Variants in DDX19A observed in about 807,000 individuals in gnomAD.
The protein encoded by DDX19A is DEAD-box helicase 19A, also known as ATP-dependent RNA helicase DDX19A.
A neutral mutation model predicts 60.6 loss-of-function variants in DDX19A; 12 were observed. That is an observed-to-expected ratio of 0.20 (90% CI 0.13 to 0.32). The LOEUF is 0.32. Among genes scored for constraint, DDX19A ranks in the 10% least tolerant of loss-of-function variants. The pLI is 1.00. For missense variants in DDX19A, 337 were observed against 600.6 expected (o/e 0.56, Z 4.59); for synonymous variants, 206 against 218.2 (o/e 0.94, Z 0.49).
chr16:70,370,193 T>A, intron 9 of DDX19A, 30 bp from the exon 10 acceptor site: 1 of 1,602,638 alleles, frequency 6.2e-7, no homozygotes, highest in South Asian at 1.1e-5. Flanking sequence ...CTCAAATACT[T>A]TCATTTCTCA....
rs562817272 is a variant in DDX19A at position 70,349,950 on chromosome 16, A to G, written c.58-607A>G. Reference sequence around the variant, plus strand: ...TGTACCTTCACTTAATAAATGATTCATGGTCTTAGGTTATCATGTGGTTCT... The same window carrying G: ...TGTACCTTCACTTAATAAATGATTCGTGGTCTTAGGTTATCATGTGGTTCT... On this transcript the variant is annotated intron_variant, in intron 1 of 11. Transcript: ENST00000302243. 2.6e-5 allele frequency among the ~76,000 whole-genome samples: 4 copies of G among 152,260 alleles called. No homozygotes were observed. The South Asian group carries it at 8.3e-4, about 32-fold the overall frequency.
intron 1 of DDX19A, among the ~76,000 whole-genome samples, chr16:70,349,266 A>C (rs1189798007): frequency 6.6e-6 from 1 of 152,186 alleles, no homozygotes; most frequent in East Asian, 1.9e-4. Context: ...GCACATATGA[A>C]GTGGTGTCAG....
chr16:70,350,507 C>A, intron 1 of DDX19A, 50 bp from the exon 2 acceptor site: 1 of 1,441,966 alleles, frequency 6.9e-7, no homozygotes, highest in Non-Finnish European at 9.6e-7. Flanking sequence ...TAGGGACCTT[C>A]CTTTTATTGG....
chr16:70,351,160 G>T (rs1348903925), intron 2 of DDX19A, among the ~76,000 whole-genome samples: 1 of 151,588 alleles, frequency 6.6e-6, no homozygotes, highest in Non-Finnish European at 1.5e-5. Flanking sequence ...GGGATTACAG[G>T]TGTGAGCCAC....
intron 9 of DDX19A, 61 bp from the exon 10 acceptor site, chr16:70,370,162 C>G (rs1964638726): frequency 8.4e-6 from 13 of 1,549,190 alleles, no homozygotes; most frequent in Non-Finnish European, 1.1e-5. Flanking sequence ...AAGACTGTGT[C>G]TCAAAAAGAA....
chr16:70,357,884 A>G (rs1964260366), intron 4 of DDX19A, among the ~76,000 whole-genome samples: 1 of 152,184 alleles, frequency 6.6e-6, no homozygotes, highest in African/African-American at 2.4e-5. Context: ...TAGTTCAGCA[A>G]AATCTATAGT....
intron 4 of DDX19A, among the ~76,000 whole-genome samples, chr16:70,357,328 C>G (rs1440097728): frequency 9.9e-6 from 1 of 101,424 alleles, no homozygotes; most frequent in Non-Finnish European, 2.0e-5. Flanking sequence ...TACAGTTTAT[C>G]TGCTTTTTAA....
chr16:70,368,698 C>T (rs1214663593), intron 9 of DDX19A, among the ~76,000 whole-genome samples: 2 of 152,014 alleles, frequency 1.3e-5, no homozygotes, highest in Non-Finnish European at 2.9e-5. Flanking sequence ...AGGCACATGG[C>T]ACTGTGCCCA....
At chr16:70,355,917 G>A in intron 3 of DDX19A, 195 bp from the exon 4 acceptor site, 1 of 683,552 alleles carries the variant, frequency 1.5e-6, no homozygotes, top group Non-Finnish European at 2.4e-6. Context: ...AGCTCTGATT[G>A]CTCCACTGCA....
At chr16:70,359,975 G>A (rs557584520) in intron 4 of DDX19A, among the ~76,000 whole-genome samples, 8 of 151,982 alleles carry the variant, frequency 5.3e-5, no homozygotes, top group African/African-American at 1.9e-4. Flanking sequence ...CTAGAAACTG[G>A]CTTCATCAAT....
chr16:70,357,998 G>A (rs1289482638), intron 4 of DDX19A, among the ~76,000 whole-genome samples: 1 of 151,938 alleles, frequency 6.6e-6, no homozygotes, highest in Non-Finnish European at 1.5e-5. Flanking sequence ...TAATCTTGAA[G>A]AACAATTTTT....
chr16:70,353,437 C>T (rs1235700688), intron 2 of DDX19A, among the ~76,000 whole-genome samples: 2 of 151,942 alleles, frequency 1.3e-5, no homozygotes, highest in East Asian at 1.9e-4. Flanking sequence ...TTTTTTAAGA[C>T]GTGATCTTGT....
intron 9 of DDX19A, among the ~76,000 whole-genome samples, chr16:70,367,336 G>A (rs1422519098): frequency 6.7e-6 from 1 of 150,250 alleles, no homozygotes; most frequent in African/African-American, 2.4e-5. Flanking sequence ...GCTGAGGCAG[G>A]AGAATGGTGT....
chr16:70,368,193 A>G (rs1224787823), intron 9 of DDX19A, among the ~76,000 whole-genome samples: 2 of 152,160 alleles, frequency 1.3e-5, no homozygotes, highest in African/African-American at 4.8e-5. Flanking sequence ...GGAAACATAC[A>G]ATGCAATGAT....
intron 9 of DDX19A, among the ~76,000 whole-genome samples, chr16:70,369,173 GTTTTTT>G (rs560443179): frequency 2.1e-5 from 2 of 96,332 alleles, no homozygotes; most frequent in Non-Finnish European, 3.9e-5. Flanking sequence ...GGCCAATCTG[GTTTTTT>G]TTTTTTTTTT....
At chr16:70,347,882 G>A (rs571346620) in intron 1 of DDX19A, 1 of 323,012 alleles carries the variant, frequency 3.1e-6, no homozygotes, top group Non-Finnish European at 6.2e-6. Flanking sequence ...TAGAGACGGG[G>A]TTTCTCCATG....
intron 1 of DDX19A, among the ~76,000 whole-genome samples, chr16:70,350,333 A>G (rs988329298): frequency 6.6e-6 from 1 of 152,104 alleles, no homozygotes; most frequent in African/African-American, 2.4e-5. Flanking sequence ...CCCAACCATT[A>G]TATTTAGTCC....
rs749707741 is a variant in DDX19A at position 70,346,915 on chromosome 16, C to A, written c.-77C>A. The stretch of plus-strand genomic sequence containing the variant: ...GTCCGCGTGAGGTGCATTCTCGCGC[C>A]GGTGGCGAGGTTAGGGCCCGCGTTG... On this transcript the variant is annotated 5_prime_UTR_variant, in exon 1 of 12. Coordinates refer to ENST00000302243, the MANE Select transcript of DDX19A (RefSeq NM_018332.5). 2.7e-6 allele frequency: 4 copies of A among 1,454,938 alleles called. No homozygotes were observed. Among genetic ancestry groups the A allele is most frequent in the Middle Eastern group, 1.7e-4 (1 of 5,780 alleles). 90.1% of individuals were successfully genotyped at this position (1,454,938 alleles called of 1,614,324 possible).
rs974226656 is a variant in DDX19A, at chr16:70,348,381, T to C, written c.57+1333T>C. Among the ~76,000 whole-genome samples, 9 of 152,044 alleles carry C rather than the reference T, an allele frequency of 5.9e-5. No individual in the cohort carries two copies. The East Asian group carries it at 1.5e-3, about 26-fold the overall frequency. On this transcript the variant is annotated intron_variant, in intron 1 of 11. Coordinates refer to ENST00000302243, the MANE Select transcript of DDX19A (RefSeq NM_018332.5). ...TGGCACCCACCTGTGATCCCAGCAC[T>C]TTGGGAGGCCGAGGCGGGCAGATCA...
Sources: gnomAD v4.1 joint callset for allele counts (sites outside exome capture counted in the v4.1 genomes callset) on GRCh38, gnomAD v4.1.1 for gene constraint, MANE v1.5 for transcripts, NCBI Gene and HGNC (gene_info 2026-07-23, HGNC 2026-07-21) for gene names.